Variants in SH3GL3 observed in about 807,000 individuals in gnomAD.
SH3GL3 encodes the protein SH3 domain containing GRB2 like 3, endophilin A3, also known as endophilin-A3.
A neutral mutation model predicts 47.7 loss-of-function variants in SH3GL3; 33 were observed. The observed-to-expected ratio is 0.69, with a 90% CI of 0.52 to 0.92. The LOEUF is 0.92. SH3GL3 is among the 40% of genes least tolerant of loss of function. The pLI, the probability that SH3GL3 is intolerant of heterozygous loss-of-function variation, is 0.00. For missense variants in SH3GL3, 363 were observed against 417.8 expected, an observed-to-expected ratio of 0.87 and a Z score of 1.14; for synonymous variants, 155 against 148.8, an observed-to-expected ratio of 1.04 and a Z score of -0.30.
intron 1 of SH3GL3, among the ~76,000 whole-genome samples, chr15:83,486,698 G>C (rs1362812220): frequency 1.3e-5 from 2 of 152,178 alleles, no homozygotes; most frequent in Non-Finnish European, 2.9e-5. Flanking sequence ...GTGTTGCAAT[G>C]AATACTTACC....
chr15:83,624,657 T>G, the SH3GL3 span, among the ~76,000 whole-genome samples: 6 of 152,290 alleles, frequency 3.9e-5, no homozygotes, highest in Middle Eastern at 3.4e-3. Context: ...CCTCTCTGCT[T>G]CAGAGGTAAG....
At chr15:83,623,021 T>C (rs912293903), downstream of SH3GL3, among the ~76,000 whole-genome samples, 1 of 152,204 alleles carries the variant, frequency 6.6e-6, no homozygotes, top group African/African-American at 2.4e-5. Flanking sequence ...GGAGATGGGA[T>C]CCTAAAGCAA....
intron 1 of SH3GL3, among the ~76,000 whole-genome samples, chr15:83,531,317 T>C (rs1347868813): frequency 6.6e-6 from 1 of 152,248 alleles, no homozygotes; most frequent in Non-Finnish European, 1.5e-5. Flanking sequence ...TTTTAATGTA[T>C]TCAGGAGATC....
chr15:83,507,381 A>G (rs887417943), intron 1 of SH3GL3, among the ~76,000 whole-genome samples: 4 of 151,500 alleles, frequency 2.6e-5, no homozygotes, highest in African/African-American at 9.7e-5. Flanking sequence ...TTAGTGATTC[A>G]TCTTGGATCT....
At chr15:83,585,261 C>T (rs1019349667) in intron 6 of SH3GL3, among the ~76,000 whole-genome samples, 3 of 152,188 alleles carry the variant, frequency 2.0e-5, no homozygotes, top group African/African-American at 7.2e-5. Flanking sequence ...CAAAGTCAGC[C>T]ACCCAATGAG....
intron 2 of SH3GL3, among the ~76,000 whole-genome samples, chr15:83,561,725 G>A (rs984574639): frequency 6.6e-6 from 1 of 152,050 alleles, no homozygotes; most frequent in Admixed American, 6.5e-5. Context: ...AGAAGAAAGA[G>A]GATATGCCCA....
intron 1 of SH3GL3, among the ~76,000 whole-genome samples, chr15:83,505,523 CTTTTTTTT>C (rs35112953): frequency 6.5e-5 from 6 of 92,036 alleles, no homozygotes; most frequent in South Asian, 3.6e-4. Flanking sequence ...CTTGAATTTC[CTTTTTTTT>C]TTTTTTTTTT....
Position 83,511,750 on chromosome 15 carries a change from G to A in SH3GL3, c.46-47503G>A, listed in dbSNP as rs565490093. Among the ~76,000 whole-genome samples, 7 of 152,098 alleles carry A rather than the reference G, an allele frequency of 4.6e-5. No homozygotes were observed. The East Asian group carries it at 7.8e-4, about 17-fold the overall frequency. Reference sequence around the variant, plus strand: ...TCTCTTTTCTCTCTCCCAGTGTACCGCGCACCTGCTGGTTCCCTCACCCAG... The same window carrying A: ...TCTCTTTTCTCTCTCCCAGTGTACCACGCACCTGCTGGTTCCCTCACCCAG... On this transcript the variant is annotated intron_variant, in intron 1 of 8. Coordinates refer to ENST00000427482, the MANE Select transcript of SH3GL3 (RefSeq NM_003027.5).
intron 1 of SH3GL3, among the ~76,000 whole-genome samples, chr15:83,505,266 G>A (rs2042450047): frequency 6.6e-6 from 1 of 151,914 alleles, no homozygotes; most frequent in African/African-American, 2.4e-5. Flanking sequence ...AAAGGACATC[G>A]GCATCTTCAC....
At chr15:83,486,794 G>C (rs756314570) in intron 1 of SH3GL3, among the ~76,000 whole-genome samples, 1 of 152,180 alleles carries the variant, frequency 6.6e-6, no homozygotes, top group Admixed American at 6.5e-5. Flanking sequence ...TGGAGGCTGG[G>C]AAGTCCAAGA....
In SH3GL3 at chr15:83,551,498, C is replaced by T. The variant is rs2151724284; in HGVS notation, c.46-7755C>T. Among the ~76,000 whole-genome samples the T allele has an allele frequency of 2.0e-5, 3 of 152,236 alleles. No individual in the cohort carries two copies. In the Middle Eastern group the frequency reaches 0.01, roughly 518 times the overall value. ...AGAATGTAATTTTGGCATTTTTCCC[C>T]ACTCCACCTCTTCAAACTATGTGTC... On this transcript the variant is annotated intron_variant, in intron 1 of 8. Transcript: ENST00000427482.
intron 5 of SH3GL3, 139 bp downstream of exon 5, chr15:83,572,837 TC>T: frequency 1.6e-6 from 1 of 615,186 alleles, no homozygotes; most frequent in Non-Finnish European, 2.7e-6. Flanking sequence ...AGTTCTATTT[TC>T]CTGGGCTCAC....
chr15:83,523,757 C>CTTCT (rs977252541), intron 1 of SH3GL3, among the ~76,000 whole-genome samples: 1 of 151,998 alleles, frequency 6.6e-6, no homozygotes, highest in Non-Finnish European at 1.5e-5. Context: ...CCTTCTCTCT[C>CTTCT]TTCTTTCTTT....
intron 2 of SH3GL3, among the ~76,000 whole-genome samples, chr15:83,561,599 C>T (rs1395537720): frequency 6.6e-6 from 1 of 151,782 alleles, no homozygotes; most frequent in East Asian, 1.9e-4. Context: ...AAACAATAAC[C>T]ACAAAAGATC....
chr15:83,459,800 G>A (rs926899065), intron 1 of SH3GL3, among the ~76,000 whole-genome samples: 8 of 152,004 alleles, frequency 5.3e-5, no homozygotes, highest in East Asian at 3.9e-4. Flanking sequence ...TTTTTGCCAC[G>A]TCTCACGACA....
chr15:83,554,731 C>T (rs150564858), intron 1 of SH3GL3, among the ~76,000 whole-genome samples: 5 of 152,166 alleles, frequency 3.3e-5, no homozygotes, highest in Non-Finnish European at 5.9e-5. Flanking sequence ...CCTTCATTGT[C>T]CCTGGCATCT....
intron 5 of SH3GL3, 109 bp from the exon 6 acceptor site, chr15:83,576,474 C>T (rs931698411): frequency 2.9e-6 from 3 of 1,037,166 alleles, no homozygotes; most frequent in Non-Finnish European, 4.1e-6. Context: ...GGTTCCTGCC[C>T]TCTGGAATCT....
At chr15:83,475,064 T>C (rs1351455271) in intron 1 of SH3GL3, among the ~76,000 whole-genome samples, 2 of 151,888 alleles carry the variant, frequency 1.3e-5, no homozygotes, top group Non-Finnish European at 2.9e-5. Flanking sequence ...CCCTTCTTGG[T>C]GGTCTCATTG....
chr15:83,475,129 A>T (rs922042781), intron 1 of SH3GL3, among the ~76,000 whole-genome samples: 2 of 151,124 alleles, frequency 1.3e-5, no homozygotes, highest in Non-Finnish European at 2.9e-5. Context: ...AATAAATTTT[A>T]TATAAATATA....
Sources: allele counts gnomAD v4.1 joint callset (sites outside exome capture counted in the v4.1 genomes callset), GRCh38; gene constraint gnomAD v4.1.1; transcripts MANE v1.5; gene names NCBI Gene and HGNC (gene_info 2026-07-23, HGNC 2026-07-21).